Variants in NRXN3 observed in about 807,000 individuals in gnomAD.
NRXN3 encodes the protein neurexin 3.
In NRXN3, 32 loss-of-function variants were observed where a neutral mutation model predicts 137.6. That is an observed-to-expected ratio of 0.23 (90% CI 0.18 to 0.31). The LOEUF (loss-of-function observed/expected upper bound fraction) is 0.31, where lower values mean the gene tolerates loss of function less well. Ranked by LOEUF, NRXN3 falls within the 10% of genes least tolerant of loss-of-function variation. The pLI is 1.00. For missense variants in NRXN3, 1,574 were observed against 2,062.5 expected (o/e 0.76, Z 4.59); for synonymous variants, 798 against 784.5 (o/e 1.02, Z -0.29).
chr14:79,257,585 A>T (rs1180606781), intron 15 of NRXN3, among the ~76,000 whole-genome samples: 7 of 15,884 alleles, frequency 4.4e-4, no homozygotes, highest in East Asian at 2.6e-3. Context: ...TGGTGATGGT[A>T]ATGATGGTGG....
intron 16 of NRXN3, among the ~76,000 whole-genome samples, chr14:79,591,358 T>C (rs1245006756): frequency 6.6e-6 from 1 of 152,216 alleles, no homozygotes; most frequent in African/African-American, 2.4e-5. Flanking sequence ...CTACATTTTA[T>C]CCTTGTCAAT....
At chr14:78,693,666 TG>T (rs1366499953) in intron 6 of NRXN3, among the ~76,000 whole-genome samples, 1 of 87,646 alleles carries the variant, frequency 1.1e-5, no homozygotes, top group African/African-American at 6.7e-5. Context: ...CGTGTGTGTG[TG>T]TGTGTGTGTG....
intron 16 of NRXN3, among the ~76,000 whole-genome samples, chr14:79,579,966 G>C (rs531278424): frequency 6.6e-6 from 1 of 152,050 alleles, no homozygotes; most frequent in East Asian, 1.9e-4. Context: ...TCCAGCCTCT[G>C]GTATCTATCA....
At chr14:78,251,481 C>T (rs746637059) in intron 2 of NRXN3, among the ~76,000 whole-genome samples, 3 of 152,228 alleles carry the variant, frequency 2.0e-5, no homozygotes, top group Non-Finnish European at 4.4e-5. Flanking sequence ...ACAGGTCCCA[C>T]CTCTGTGGAT....
In NRXN3 at chr14:79,280,472, G is replaced by A. The variant is rs757209578; in HGVS notation, c.3263-186749G>A. 2.5e-6 allele frequency: 4 copies of A among 1,613,994 alleles called. No homozygotes were observed. The South Asian group carries it at 4.4e-5, about 18-fold the overall frequency. On this transcript the variant is annotated intron_variant, in intron 15 of 20. Transcript: ENST00000335750. ...CTCTCAGCACGAGCACCATTTCCAT[G>A]GCAGCAAGCATCACTCAGTGCCTAT...
intron 16 of NRXN3, among the ~76,000 whole-genome samples, chr14:79,640,790 G>A (rs1486344288): frequency 7.4e-6 from 1 of 134,942 alleles, no homozygotes; most frequent in African/African-American, 2.5e-5. Context: ...AGTACAAACA[G>A]CATTATCCTG....
intron 15 of NRXN3, among the ~76,000 whole-genome samples, chr14:79,030,133 C>G (rs1425363406): frequency 6.6e-6 from 1 of 150,394 alleles, no homozygotes. Context: ...CCACCTGCCT[C>G]AGCCTCCCAA....
At chr14:78,689,922 C>T (rs1011317588) in intron 6 of NRXN3, among the ~76,000 whole-genome samples, 3 of 151,684 alleles carry the variant, frequency 2.0e-5, no homozygotes, top group African/African-American at 2.4e-5. Context: ...CTCCCTCCTC[C>T]GCTCCTCCCC....
chr14:79,584,817 A>G (rs2097753085), intron 16 of NRXN3, among the ~76,000 whole-genome samples: 2 of 152,300 alleles, frequency 1.3e-5, no homozygotes, highest in East Asian at 1.9e-4. Context: ...AACTCCCTGC[A>G]TGAGCTAAGG....
intron 15 of NRXN3, among the ~76,000 whole-genome samples, chr14:79,358,611 A>AAGAAAGAAAGAAAG (rs2093545257): frequency 3.3e-5 from 2 of 61,234 alleles, no homozygotes; most frequent in African/African-American, 1.1e-4. Flanking sequence ...AAGAAAGAGA[A>AAGAAAGAAAGAAAG]AGAAAGAAAG....
intron 6 of NRXN3, among the ~76,000 whole-genome samples, chr14:78,697,569 C>G (rs2098239341): frequency 6.6e-6 from 1 of 151,888 alleles, no homozygotes; most frequent in African/African-American, 2.4e-5. Flanking sequence ...TAGTGGTGAT[C>G]TAGGTCTCTG....
At chr14:79,820,920 A>AT (rs2099270106) in intron 20 of NRXN3, among the ~76,000 whole-genome samples, 1 of 152,148 alleles carries the variant, frequency 6.6e-6, no homozygotes, top group South Asian at 2.1e-4. Context: ...GTGCTTAGTG[A>AT]TAACATTATG....
intron 19 of NRXN3, among the ~76,000 whole-genome samples, chr14:79,722,665 C>T (rs923240043): frequency 2.0e-5 from 3 of 152,056 alleles, no homozygotes; most frequent in Admixed American, 2.0e-4. Context: ...CATGTGTTTC[C>T]ACAGTAAATG....
chr14:78,623,819 T>C (rs540989244), intron 4 of NRXN3, among the ~76,000 whole-genome samples: 125 of 152,284 alleles, frequency 8.2e-4, no homozygotes, highest in African/African-American at 2.7e-3. Context: ...CCGCCCACCT[T>C]GGCCTCCCAA....
At chr14:78,816,692 A>G (rs1475842420) in intron 10 of NRXN3, among the ~76,000 whole-genome samples, 1 of 152,220 alleles carries the variant, frequency 6.6e-6, no homozygotes, top group East Asian at 1.9e-4. Flanking sequence ...CTGCTGAGTC[A>G]AAAGATAAGT....
chr14:78,187,414 A>G (rs1419917558), intron 1 of NRXN3, among the ~76,000 whole-genome samples: 1 of 152,112 alleles, frequency 6.6e-6, no homozygotes, highest in Non-Finnish European at 1.5e-5. Context: ...CTGAGTCTAC[A>G]TGCCATTCAG....
chr14:79,745,256 C>T (rs2098976121), intron 19 of NRXN3, among the ~76,000 whole-genome samples: 1 of 152,054 alleles, frequency 6.6e-6, no homozygotes, highest in Non-Finnish European at 1.5e-5. Context: ...CTTAGATAGG[C>T]TATTCTGTAT....
chr14:79,286,535 A>AATATATATATAT (rs111827205), intron 15 of NRXN3, among the ~76,000 whole-genome samples: 15 of 139,674 alleles, frequency 1.1e-4, no homozygotes, highest in Admixed American at 4.4e-4. Flanking sequence ...TTGAGAGAAT[A>AATATATATATAT]ATATATATAT....
chr14:79,456,768 G>A (rs1350265089), intron 15 of NRXN3, among the ~76,000 whole-genome samples: 2 of 151,692 alleles, frequency 1.3e-5, no homozygotes, highest in Admixed American at 1.3e-4. Flanking sequence ...GAGAGGAGAG[G>A]AAGAGAAGCA....
Sources: allele counts gnomAD v4.1 joint callset (sites outside exome capture counted in the v4.1 genomes callset), GRCh38; gene constraint gnomAD v4.1.1; transcripts MANE v1.5; gene names NCBI Gene and HGNC (gene_info 2026-07-23, HGNC 2026-07-21).